The following ELP4 variants were observed in gnomAD, a reference collection of about 807,000 sequenced individuals.
ELP4 encodes elongator complex protein 4.
In ELP4, 51 loss-of-function variants were observed where a neutral mutation model predicts 48.9. The ratio of observed to expected loss-of-function variants is 1.04; its 90% CI spans 0.83 to 1.32. The LOEUF is 1.32. Among genes scored for constraint, ELP4 ranks in the 40% most tolerant of loss-of-function variants. ELP4 has a pLI of 0.00. For missense variants in ELP4, 519 were observed against 514.6 expected (o/e 1.01, Z -0.08); for synonymous variants, 210 against 189.2 (o/e 1.11, Z -0.90).
At chr11:31,671,182 T>A (rs1385485216) in intron 9 of ELP4, among the ~76,000 whole-genome samples, 1 of 152,132 alleles carries the variant, frequency 6.6e-6, no homozygotes, top group Non-Finnish European at 1.5e-5. Context: ...ATAAAATAAA[T>A]CATAAAATGG....
At chr11:31,733,896 G>A (rs1170398076) in intron 9 of ELP4, among the ~76,000 whole-genome samples, 1 of 152,098 alleles carries the variant, frequency 6.6e-6, no homozygotes, top group Non-Finnish European at 1.5e-5. Context: ...AGGAAAGCCA[G>A]ATTAAAAACA....
intron 9 of ELP4, among the ~76,000 whole-genome samples, chr11:31,688,239 A>G (rs989367508): frequency 6.6e-6 from 1 of 152,170 alleles, no homozygotes; most frequent in Non-Finnish European, 1.5e-5. Flanking sequence ...AATGCTGTTT[A>G]TATATATGAA....
intron 9 of ELP4, among the ~76,000 whole-genome samples, chr11:31,712,993 C>T (rs1439565231): frequency 6.6e-6 from 1 of 152,088 alleles, no homozygotes; most frequent in Non-Finnish European, 1.5e-5. Context: ...TCTTCATGTT[C>T]CCTTTTCACA....
Position 31,603,919 on chromosome 11 carries a change from A to T in ELP4, c.653+12A>T. The stretch of plus-strand genomic sequence containing the variant: ...AAAGTAGAACCCTGGTAAGTTAATG[A>T]CCCATTTAATAACAAAATCTGATTT... On this transcript the variant is annotated intron_variant, in intron 5 of 9. Coordinates refer to ENST00000640961, the MANE Select transcript of ELP4 (RefSeq NM_019040.5). The T allele has an allele frequency of 6.2e-7, 1 of 1,602,246 alleles. No individual in the cohort carries two copies. Among genetic ancestry groups the T allele is most frequent in the Non-Finnish European group, 8.5e-7 (1 of 1,173,678 alleles).
chr11:31,536,946 C>T (rs1041833847), intron 2 of ELP4, among the ~76,000 whole-genome samples: 2 of 152,106 alleles, frequency 1.3e-5, no homozygotes, highest in African/African-American at 2.4e-5. Context: ...TTAAATCTTC[C>T]TATTAGCTGT....
In ELP4 at chr11:31,512,615, C is replaced by T. The variant is rs541982724; in HGVS notation, c.223+2608C>T. 1.4e-4 allele frequency: 22 copies of T among 152,206 alleles called. No individual in the cohort carries two copies. In the East Asian group the frequency reaches 2.9e-3, roughly 20 times the overall value. The allele number at this position is 152,206 out of a possible 1,614,324, so 9.4% of individuals were successfully genotyped here. On this transcript the variant is annotated intron_variant, in intron 1 of 9. Transcript: ENST00000640961. The stretch of plus-strand genomic sequence containing the variant: ...TCTAACCCATGTTCTCAACCTTGCC[C>T]TTCTGGGATATTTATATTGTTATTT...
At position 31,787,629 on chromosome 11, in the gene ELP4, C is replaced by T. The variant is rs73477656; in HGVS notation, c.*4105C>T. The T allele has an allele frequency of 0.02, 4,596 of 232,036 alleles. 196 individuals carry two copies. The highest frequency in any genetic ancestry group is 0.095 in the African/African-American group (4,291 of 45,382). The allele number at this position is 232,036 out of a possible 1,614,324, so 14.4% of individuals were successfully genotyped here. A position where few individuals can be genotyped will look rare whatever the true frequency, so the allele number is the denominator to read the frequency against. ...TGTACCAACAGTGCGTATGTGTGCT[C>T]ACTCCCCTGCAGAAATGTGCTGCTG... On this transcript the variant is annotated 3_prime_UTR_variant, in exon 10 of 10. Coordinates refer to ENST00000640961, the MANE Select transcript of ELP4 (RefSeq NM_019040.5).
In ELP4 at chr11:31,600,426, A is replaced by C. The variant is rs531530391; in HGVS notation, c.514-3342A>C. 3.3e-5 allele frequency: 5 copies of C among 152,268 alleles called. No individual in the cohort carries two copies. In the South Asian group the frequency reaches 1.0e-3, roughly 32 times the overall value. The allele number at this position is 152,268 out of a possible 1,614,324, so 9.4% of individuals were successfully genotyped here. On this transcript the variant is annotated intron_variant, in intron 4 of 9. Transcript: ENST00000640961. ...CAGTGTGTTAAGTCTTTATTATGTT[A>C]AATTCTCATCAAACATTGACTTTCT...
chr11:31,527,342 G>A (rs549570738), intron 2 of ELP4, among the ~76,000 whole-genome samples: 2 of 151,948 alleles, frequency 1.3e-5, no homozygotes, highest in South Asian at 4.2e-4. Flanking sequence ...TCCAGACATC[G>A]CTACATATAT....
At chr11:31,647,665 G>A in intron 7 of ELP4, 76 bp from the exon 8 acceptor site, 1 of 888,762 alleles carries the variant, frequency 1.1e-6, no homozygotes, top group South Asian at 1.5e-5. Flanking sequence ...TTCATGAGAT[G>A]GCATAGGGAT....
At chr11:31,680,050 G>C (rs77332904) in intron 9 of ELP4, among the ~76,000 whole-genome samples, 9,301 of 152,076 alleles carry the variant, frequency 0.061, 358 homozygotes, top group East Asian at 0.18. Context: ...TTTTACTTGG[G>C]TAAGTTGTGA....
rs1945237038 is a variant in ELP4, at chr11:31,647,832, T to C, written c.1019T>C (p.Leu340Ser). 1.3e-6 allele frequency: 2 copies of C among 1,592,896 alleles called. No individual in the cohort carries two copies. The highest frequency in any genetic ancestry group is 1.7e-6 in the Non-Finnish European group (2 of 1,161,764). The change falls in exon 8 of 10, where the codon TTG becomes TCG. Residue 340 changes from leucine to serine, a missense_variant. Coordinates refer to ENST00000640961, the MANE Select transcript of ELP4 (RefSeq NM_019040.5). ...GGTTCTGAGAGAGAAACTAACCCAT[T>C]GTATAAGGATTATCATGGTAAGTAC... ...FIGSERETNP[L>S]YKDYHGLIHI...
intron 5 of ELP4, among the ~76,000 whole-genome samples, chr11:31,613,826 G>A (rs568349348): frequency 5.4e-5 from 8 of 149,122 alleles, no homozygotes; most frequent in East Asian, 2.0e-4. Context: ...CTCCTGCCTC[G>A]GCCTCCTGAG....
intron 9 of ELP4, among the ~76,000 whole-genome samples, chr11:31,684,576 A>G (rs1344122466): frequency 1.3e-5 from 2 of 152,194 alleles, no homozygotes; most frequent in African/African-American, 4.8e-5. Context: ...GTATTGACAC[A>G]AGGACAGATC....
chr11:31,515,031 G>GTA lies in ELP4; in HGVS notation c.224-5024_224-5023insAT, dbSNP rs752573937. Among the ~76,000 whole-genome samples, 604 of 115,506 alleles carry GTA rather than the reference G, an allele frequency of 5.2e-3. 3 individuals are homozygous for GTA. The highest frequency in any genetic ancestry group is 0.023 in the South Asian group (86 of 3,674). The allele number at this position is 115,506 out of a possible 152,430, so 75.8% of individuals were successfully genotyped here. ...TGTGTGTGTGTGTGTGTGTGTGTGT[G>GTA]TGTATATATATATATATATATATAT... On this transcript the variant is annotated intron_variant, in intron 1 of 9. Coordinates refer to ENST00000640961, the MANE Select transcript of ELP4 (RefSeq NM_019040.5).
At chr11:31,765,540 C>G (rs963992527) in intron 9 of ELP4, among the ~76,000 whole-genome samples, 1 of 152,068 alleles carries the variant, frequency 6.6e-6, no homozygotes, top group East Asian at 1.9e-4. Flanking sequence ...TATGAGTAAT[C>G]ATTGACTTTA....
At chr11:31,626,699 G>T (rs1944751469) in intron 5 of ELP4, among the ~76,000 whole-genome samples, 1 of 151,808 alleles carries the variant, frequency 6.6e-6, no homozygotes, top group South Asian at 2.1e-4. Context: ...ATGAGCTCAG[G>T]TGATCAGGAC....
chr11:31,741,152 A>C (rs917095803), intron 9 of ELP4, among the ~76,000 whole-genome samples: 3 of 152,136 alleles, frequency 2.0e-5, no homozygotes, highest in African/African-American at 7.2e-5. Flanking sequence ...CTAGCACAGC[A>C]GTCCGAGATC....
intron 7 of ELP4, among the ~76,000 whole-genome samples, chr11:31,641,274 T>C (rs1945088469): frequency 6.6e-6 from 1 of 151,924 alleles, no homozygotes; most frequent in African/African-American, 2.4e-5. Flanking sequence ...GGTTCATTTC[T>C]ATATTATTTC....
Sources: allele counts gnomAD v4.1 joint callset (sites outside exome capture counted in the v4.1 genomes callset), GRCh38; gene constraint gnomAD v4.1.1; transcripts MANE v1.5; gene names NCBI Gene and HGNC (gene_info 2026-07-23, HGNC 2026-07-21).